The following GALNT13 variants were observed in gnomAD, a reference collection of about 807,000 sequenced individuals.
GALNT13 encodes polypeptide N-acetylgalactosaminyltransferase 13, also known as UDP-GalNAc:polypeptide N-acetylgalactosaminyltransferase 13.
In GALNT13, 28 loss-of-function variants were observed where a neutral mutation model predicts 64.2. The ratio of observed to expected loss-of-function variants is 0.44; its 90% confidence interval spans 0.32 to 0.60. GALNT13 has a LOEUF of 0.60. Ranked by LOEUF, GALNT13 falls within the 20% of genes least tolerant of loss-of-function variation. GALNT13 has a pLI of 0.05. For missense variants in GALNT13, 577 were observed against 669.8 expected (o/e 0.86, Z 1.53); for synonymous variants, 214 against 224.6 (o/e 0.95, Z 0.42).
At chr2:153,927,896 A>C (rs563497184) in intron 2 of GALNT13, among the ~76,000 whole-genome samples, 1 of 152,144 alleles carries the variant, frequency 6.6e-6, no homozygotes, top group Admixed American at 6.6e-5. Context: ...TAGTTTAAGA[A>C]AAGAGTGCAT....
chr2:153,136,446 G>A, the GALNT13 span, among the ~76,000 whole-genome samples: 4 of 152,030 alleles, frequency 2.6e-5, no homozygotes, highest in African/African-American at 7.2e-5. Flanking sequence ...TGGGAGGCAG[G>A]AGAGGAGTAG....
chr2:153,135,375 A>G, the GALNT13 span, among the ~76,000 whole-genome samples: 1 of 152,188 alleles, frequency 6.6e-6, no homozygotes, highest in East Asian at 1.9e-4. Context: ...GCGAATGACC[A>G]GGAATAACCA....
Position 153,990,584 on chromosome 2 carries a change from CGTATTTTGAGAAT to C in GALNT13, c.142+45948_142+45960del, listed in dbSNP as rs1304080772. On this transcript the variant is annotated intron_variant, in intron 3 of 12. Coordinates refer to ENST00000392825, the MANE Select transcript of GALNT13 (RefSeq NM_052917.4). Reference sequence around the variant, plus strand: ...TACAAGGGAATTACGCTCTTTGAGTCGTATTTTGAGAATGTGTTTCAGAGTCTGGCATAACATT... The same window carrying C: ...TACAAGGGAATTACGCTCTTTGAGTCGTGTTTCAGAGTCTGGCATAACATT... 2.6e-5 allele frequency among the ~76,000 whole-genome samples: 4 copies of C among 152,050 alleles called. No homozygotes were observed. In the East Asian group the frequency reaches 7.7e-4, roughly 29 times the overall value.
At chr2:154,220,830 C>T (rs1370622137) in intron 4 of GALNT13, among the ~76,000 whole-genome samples, 1 of 151,948 alleles carries the variant, frequency 6.6e-6, no homozygotes, top group African/African-American at 2.4e-5. Flanking sequence ...TGAAAGATTG[C>T]AGAAGTTTGT....
chr2:153,231,498 A>G, the GALNT13 span, among the ~76,000 whole-genome samples: 1 of 152,174 alleles, frequency 6.6e-6, no homozygotes, highest in Non-Finnish European at 1.5e-5. Context: ...GCTTAATATA[A>G]TTTACAGAAA....
rs1698627648 is a variant in GALNT13 at position 154,388,616 on chromosome 2, G to T, written c.1157-7375G>T. ...TTCTTCTTTTGCATGTGGATCTCCA[G>T]CTTTCCCAATACCATTTACAATTTG... On this transcript the variant is annotated intron_variant, in intron 9 of 12. Transcript: ENST00000392825. Among the ~76,000 whole-genome samples, 3 of 152,056 alleles carry T rather than the reference G, an allele frequency of 2.0e-5. No individual in the cohort carries two copies. The South Asian group carries it at 6.2e-4, about 32-fold the overall frequency.
the GALNT13 span, among the ~76,000 whole-genome samples, chr2:153,521,269 T>A: frequency 6.6e-6 from 1 of 152,132 alleles, no homozygotes; most frequent in Non-Finnish European, 1.5e-5. Context: ...TAGTGGATGA[T>A]AAATACCATT....
the GALNT13 span, among the ~76,000 whole-genome samples, chr2:153,257,487 C>G: frequency 6.6e-6 from 1 of 152,016 alleles, no homozygotes; most frequent in African/African-American, 2.4e-5. Flanking sequence ...CTAACAGGTA[C>G]TCTTAAATGC....
chr2:153,558,295 G>T, the GALNT13 span, among the ~76,000 whole-genome samples: 1 of 152,094 alleles, frequency 6.6e-6, no homozygotes, highest in African/African-American at 2.4e-5. Context: ...TACTGTTTGG[G>T]GATGCTGTTA....
At chr2:154,196,631 G>A (rs1016014709) in intron 4 of GALNT13, among the ~76,000 whole-genome samples, 1 of 152,132 alleles carries the variant, frequency 6.6e-6, no homozygotes, top group African/African-American at 2.4e-5. Context: ...GAAAGCGTAG[G>A]TGATTCTAAA....
chr2:153,676,036 T>G, the GALNT13 span, among the ~76,000 whole-genome samples: 1 of 151,882 alleles, frequency 6.6e-6, no homozygotes, highest in Non-Finnish European at 1.5e-5. Context: ...CATATAAAAT[T>G]GAGACACAAA....
At chr2:153,880,450 G>A (rs1228071302) in intron 1 of GALNT13, among the ~76,000 whole-genome samples, 1 of 152,066 alleles carries the variant, frequency 6.6e-6, no homozygotes, top group African/African-American at 2.4e-5. Flanking sequence ...CCAATAATGA[G>A]TCATTCCACT....
At chr2:153,437,283 T>G in the GALNT13 span, among the ~76,000 whole-genome samples, 14 of 152,266 alleles carry the variant, frequency 9.2e-5, no homozygotes, top group African/African-American at 3.1e-4. Context: ...GGTGTGGTGC[T>G]GAAAAAAATG....
At chr2:154,327,685 T>C (rs187846587) in intron 9 of GALNT13, among the ~76,000 whole-genome samples, 105 of 152,246 alleles carry the variant, frequency 6.9e-4, no homozygotes, top group African/African-American at 2.5e-3. Context: ...ATTACTGCAA[T>C]TTAAACTCTT....
intron 3 of GALNT13, among the ~76,000 whole-genome samples, chr2:154,113,727 C>T (rs1027266452): frequency 2.8e-4 from 43 of 152,326 alleles, no homozygotes; most frequent in African/African-American, 1.0e-3. Flanking sequence ...AGTGTGATAT[C>T]TTGCAGAAGT....
chr2:154,352,754 C>T (rs1051969936), intron 9 of GALNT13, among the ~76,000 whole-genome samples: 1 of 152,182 alleles, frequency 6.6e-6, no homozygotes, highest in Non-Finnish European at 1.5e-5. Flanking sequence ...TTAGTACTTT[C>T]AATGTGCCTC....
chr2:154,313,780 T>C (rs1694184912), intron 9 of GALNT13, among the ~76,000 whole-genome samples: 1 of 152,056 alleles, frequency 6.6e-6, no homozygotes, highest in South Asian at 2.1e-4. Context: ...ACAGAATAAG[T>C]ACTACCTTCT....
chr2:153,658,553 C>T, the GALNT13 span, among the ~76,000 whole-genome samples: 1 of 152,064 alleles, frequency 6.6e-6, no homozygotes, highest in Admixed American at 6.6e-5. Flanking sequence ...TCACACACTG[C>T]AAACATACAA....
chr2:154,172,001 CACACA>C (rs1447126770), intron 4 of GALNT13, among the ~76,000 whole-genome samples: 3 of 140,146 alleles, frequency 2.1e-5, no homozygotes, highest in African/African-American at 5.2e-5. Context: ...CACACACACA[CACACA>C]ATGCTAAGCC....
Sources: gnomAD v4.1 joint callset for allele counts (sites outside exome capture counted in the v4.1 genomes callset) on GRCh38, gnomAD v4.1.1 for gene constraint, MANE v1.5 for transcripts, NCBI Gene and HGNC (gene_info 2026-07-23, HGNC 2026-07-21) for gene names.